Variants in TFCP2L1 observed in about 807,000 individuals in gnomAD.
TFCP2L1 encodes the protein transcription factor CP2 like 1.
Under a neutral mutation model 72.2 loss-of-function variants are expected in TFCP2L1, and 12 were observed. The observed-to-expected ratio is 0.17, with a 90% CI of 0.11 to 0.27. The LOEUF (loss-of-function observed/expected upper bound fraction) is 0.27, where lower values mean the gene tolerates loss of function less well. Ranked by LOEUF, TFCP2L1 falls within the 10% of genes least tolerant of loss-of-function variation. The pLI, the probability that TFCP2L1 is intolerant of heterozygous loss-of-function variation, is 1.00. For synonymous variants in TFCP2L1, 260 were observed against 251.0 expected (o/e 1.04, Z -0.34); for missense variants, 488 against 624.6 (o/e 0.78, Z 2.33).
chr2:121,225,650 C>T (rs148779181), intron 13 of TFCP2L1, 37 bp from the exon 14 acceptor site: 70 of 1,612,182 alleles, frequency 4.3e-5, no homozygotes, highest in East Asian at 3.1e-4. Context: ...CCTTCAACCA[C>T]GAGTTCATCA....
chr2:121,259,455 G>A (rs907949601), intron 2 of TFCP2L1, among the ~76,000 whole-genome samples: 4 of 152,162 alleles, frequency 2.6e-5, no homozygotes, highest in African/African-American at 4.8e-5. Flanking sequence ...GCACATAGGT[G>A]CATCTATATA....
chr2:121,227,543 C>T (rs1452319830), intron 13 of TFCP2L1, among the ~76,000 whole-genome samples: 2 of 151,870 alleles, frequency 1.3e-5, no homozygotes, highest in East Asian at 1.9e-4. Context: ...TAGCCGGGCA[C>T]GGTGGCAGGT....
intron 14 of TFCP2L1, 61 bp downstream of exon 14, chr2:121,225,501 A>C: frequency 6.6e-7 from 1 of 1,520,114 alleles, no homozygotes; most frequent in Non-Finnish European, 9.1e-7. Flanking sequence ...CCCATCCTGC[A>C]GGCAGGCCCC....
Position 121,231,877 on chromosome 2 carries a change from G to A in TFCP2L1, c.1290C>T (p.His430=), listed in dbSNP as rs767673093. Residue 430 remains histidine (H), a synonymous_variant, in exon 13 of 15, where the codon CAC becomes CAT. Transcript: ENST00000263707. The part of the protein sequence containing the change: ...NLYSISPQHI[H]RVYRQGPTGI... ...CCGTGGGGCCCTGCCGGTAGACTCG[G>A]TGGATGTGCTGGGGGGAGATGCTGT... The A allele has an allele frequency of 3.7e-6, 6 of 1,613,784 alleles. No individual in the cohort carries two copies. The East Asian group carries it at 1.3e-4, about 36-fold the overall frequency.
intron 13 of TFCP2L1, among the ~76,000 whole-genome samples, chr2:121,230,845 G>C (rs946049860): frequency 5.9e-5 from 9 of 152,136 alleles, no homozygotes; most frequent in African/African-American, 2.2e-4. Flanking sequence ...GGAGGCTGAG[G>C]CAGGAGGATC....
chr2:121,234,948 C>G (rs1277991783), intron 11 of TFCP2L1, among the ~76,000 whole-genome samples: 2 of 152,246 alleles, frequency 1.3e-5, no homozygotes, highest in Non-Finnish European at 2.9e-5. Flanking sequence ...AGGCCGAGAT[C>G]CAGAGGCCAA....
intron 8 of TFCP2L1, 87 bp downstream of exon 8, chr2:121,239,467 AAAGG>A: frequency 7.1e-7 from 1 of 1,418,102 alleles, no homozygotes; most frequent in Non-Finnish European, 9.9e-7. Flanking sequence ...ACCCAAACAG[AAAGG>A]AGAGGAGACC....
intron 11 of TFCP2L1, 128 bp from the exon 12 acceptor site, chr2:121,234,322 G>C: frequency 1.2e-6 from 1 of 854,440 alleles, no homozygotes; most frequent in Non-Finnish European, 1.8e-6. Context: ...GTGACGTGGA[G>C]TGCCTGTCAT....
At chr2:121,249,678 T>A (rs1686565702) in intron 2 of TFCP2L1, 31 bp from the exon 3 acceptor site, 1 of 1,609,224 alleles carries the variant, frequency 6.2e-7, no homozygotes. Context: ...CATTTTCCAT[T>A]TCTGAGTATT....
intron 12 of TFCP2L1, among the ~76,000 whole-genome samples, chr2:121,233,457 G>T (rs1078966): frequency 6.6e-6 from 1 of 152,228 alleles, no homozygotes; most frequent in Admixed American, 6.5e-5. Flanking sequence ...GAGCCACGGC[G>T]CCCAGCCTAC....
At chr2:121,250,363 T>TACAC (rs755492586) in intron 2 of TFCP2L1, among the ~76,000 whole-genome samples, 5 of 148,164 alleles carry the variant, frequency 3.4e-5, no homozygotes, top group African/African-American at 1.3e-4. Flanking sequence ...TATATATATA[T>TACAC]ACACACACAC....
At chr2:121,231,795 T>A (rs748431477) in intron 13 of TFCP2L1, 31 bp downstream of exon 13, 2 of 1,608,702 alleles carry the variant, frequency 1.2e-6, no homozygotes, top group African/African-American at 2.7e-5. Context: ...CCAGAGCCCG[T>A]TGTCGGGGCA....
At chr2:121,270,796 G>C (rs1257549112) in intron 2 of TFCP2L1, among the ~76,000 whole-genome samples, 3 of 151,756 alleles carry the variant, frequency 2.0e-5, no homozygotes, top group Non-Finnish European at 1.5e-5. Context: ...TTGAGCCCAA[G>C]AGCTCTAGGC....
intron 2 of TFCP2L1, among the ~76,000 whole-genome samples, chr2:121,253,164 G>C (rs2104713235): frequency 6.6e-6 from 1 of 152,268 alleles, no homozygotes; most frequent in Admixed American, 6.5e-5. Flanking sequence ...ATGCCCACTG[G>C]GTCAGACTCC....
intron 2 of TFCP2L1, among the ~76,000 whole-genome samples, chr2:121,274,509 T>C (rs1687108327): frequency 6.6e-6 from 1 of 152,180 alleles, no homozygotes; most frequent in Non-Finnish European, 1.5e-5. Context: ...ATATGAAACA[T>C]AAGTGAATTT....
At chr2:121,235,988 G>C (rs955238066) in intron 10 of TFCP2L1, among the ~76,000 whole-genome samples, 1 of 152,126 alleles carries the variant, frequency 6.6e-6, no homozygotes, top group Non-Finnish European at 1.5e-5. Flanking sequence ...CATGTTCTCT[G>C]AAGTTTCTGT....
At chr2:121,261,335 G>A (rs1573385811) in intron 2 of TFCP2L1, among the ~76,000 whole-genome samples, 1 of 152,156 alleles carries the variant, frequency 6.6e-6, no homozygotes, top group Non-Finnish European at 1.5e-5. Context: ...AGAAAGGACT[G>A]TTTACAGAGC....
chr2:121,253,997 C>T (rs1287838136), intron 2 of TFCP2L1, among the ~76,000 whole-genome samples: 2 of 152,318 alleles, frequency 1.3e-5, no homozygotes, highest in East Asian at 3.9e-4. Flanking sequence ...CACATACAGG[C>T]TGACGAGCGA....
rs551871580 is a variant in TFCP2L1, at chr2:121,227,637, C to G, written c.1342-2024G>C. 1.4e-4 allele frequency among the ~76,000 whole-genome samples: 21 copies of G among 152,124 alleles called. No individual in the cohort carries two copies. In the East Asian group the frequency reaches 4.1e-3, roughly 29 times the overall value. ...CGGAGGTTGCAGTGAGCTGAGATCA[C>G]ATCACTGCACTTCAGCCTGGGTGAC... On this transcript the variant is annotated intron_variant, in intron 13 of 14. Transcript: ENST00000263707.
Sources: allele counts gnomAD v4.1 joint callset (sites outside exome capture counted in the v4.1 genomes callset), GRCh38; gene constraint gnomAD v4.1.1; transcripts MANE v1.5; gene names NCBI Gene and HGNC (gene_info 2026-07-23, HGNC 2026-07-21).